Variants in SLC24A3 observed in about 807,000 individuals in gnomAD.
SLC24A3 encodes the protein sodium/potassium/calcium exchanger 3.
Under a neutral mutation model 75.8 loss-of-function variants are expected in SLC24A3, and 28 were observed. The ratio of observed to expected loss-of-function variants is 0.37; its 90% CI spans 0.27 to 0.51. SLC24A3 has a LOEUF of 0.51. SLC24A3 is among the 20% of genes least tolerant of loss of function. The pLI is 0.94. For missense variants in SLC24A3, 663 were observed against 847.8 expected, an observed-to-expected ratio of 0.78 and a Z score of 2.71; for synonymous variants, 372 against 334.1, an observed-to-expected ratio of 1.11 and a Z score of -1.24.
chr20:19,448,236 C>CGATTATTT (rs1452778485), intron 2 of SLC24A3, among the ~76,000 whole-genome samples: 1 of 152,142 alleles, frequency 6.6e-6, no homozygotes, highest in Non-Finnish European at 1.5e-5. Context: ...CCATGATCTG[C>CGATTATTT]GATTATTTTC....
At chr20:19,528,384 C>G (rs1004387263) in intron 3 of SLC24A3, among the ~76,000 whole-genome samples, 15 of 152,144 alleles carry the variant, frequency 9.9e-5, no homozygotes, top group African/African-American at 3.4e-4. Flanking sequence ...ATCTCTTTAC[C>G]TTTGGTGCCC....
intron 3 of SLC24A3, among the ~76,000 whole-genome samples, chr20:19,533,332 A>C (rs754517415): frequency 3.3e-5 from 5 of 152,220 alleles, no homozygotes; most frequent in Non-Finnish European, 7.3e-5. Context: ...TCCAAGAGGC[A>C]GAAAGCAGGG....
At chr20:19,256,555 G>A (rs1203297655) in intron 1 of SLC24A3, among the ~76,000 whole-genome samples, 1 of 152,022 alleles carries the variant, frequency 6.6e-6, no homozygotes, top group Admixed American at 6.6e-5. Flanking sequence ...GATCACTTGA[G>A]GCCAGGAGTT....
intron 2 of SLC24A3, among the ~76,000 whole-genome samples, chr20:19,386,853 G>T (rs558939337): frequency 1.3e-5 from 2 of 152,202 alleles, no homozygotes; most frequent in South Asian, 4.1e-4. Flanking sequence ...ATGCTCATCA[G>T]ATATATTGGC....
intron 2 of SLC24A3, among the ~76,000 whole-genome samples, chr20:19,382,010 C>G (rs1311749134): frequency 3.3e-5 from 5 of 152,192 alleles, no homozygotes; most frequent in Admixed American, 1.3e-4. Flanking sequence ...GAAATGTCTG[C>G]TCTGAATTCG....
intron 2 of SLC24A3, among the ~76,000 whole-genome samples, chr20:19,424,159 C>T (rs1029003870): frequency 6.6e-6 from 1 of 152,078 alleles, no homozygotes; most frequent in African/African-American, 2.4e-5. Context: ...TAAGCAGAAA[C>T]CAAATACCCA....
At chr20:19,497,374 G>A (rs1162952053) in intron 2 of SLC24A3, among the ~76,000 whole-genome samples, 2 of 152,212 alleles carry the variant, frequency 1.3e-5, no homozygotes, top group Non-Finnish European at 1.5e-5. Context: ...GTGAGGAGCA[G>A]AATCCCAGAC....
intron 3 of SLC24A3, among the ~76,000 whole-genome samples, chr20:19,577,784 G>A (rs2031161772): frequency 6.6e-6 from 1 of 152,006 alleles, no homozygotes; most frequent in South Asian, 2.1e-4. Flanking sequence ...ACTTCATATT[G>A]GATTTACACA....
At chr20:19,276,235 CA>C (rs1395885033) in intron 1 of SLC24A3, among the ~76,000 whole-genome samples, 1 of 151,546 alleles carries the variant, frequency 6.6e-6, no homozygotes, top group Non-Finnish European at 1.5e-5. Context: ...TTTGTGGGAC[CA>C]GCCCAGTCTC....
intron 2 of SLC24A3, among the ~76,000 whole-genome samples, chr20:19,342,272 G>C (rs1300590910): frequency 6.6e-6 from 1 of 152,224 alleles, no homozygotes; most frequent in African/African-American, 2.4e-5. Context: ...CAGTGGCAAA[G>C]ATGACTGGGC....
At chr20:19,325,777 C>T (rs6132191) in intron 2 of SLC24A3, among the ~76,000 whole-genome samples, 21,679 of 58,206 alleles carry the variant, frequency 0.37, 3,808 homozygotes, top group Middle Eastern at 0.5. Context: ...TATATATATA[C>T]ATATATATAT....
At chr20:19,216,252 T>A (rs538140440) in intron 1 of SLC24A3, among the ~76,000 whole-genome samples, 5 of 151,860 alleles carry the variant, frequency 3.3e-5, no homozygotes, top group African/African-American at 1.2e-4. Context: ...TTTTGAGTGG[T>A]TTAAAAGTGT....
At chr20:19,712,413 G>T (rs892283018) in intron 15 of SLC24A3, among the ~76,000 whole-genome samples, 1 of 152,010 alleles carries the variant, frequency 6.6e-6, no homozygotes. Context: ...CAAGCAGGAC[G>T]ACATCAGCAC....
At chr20:19,565,949 T>A (rs571826476) in intron 3 of SLC24A3, among the ~76,000 whole-genome samples, 1 of 152,296 alleles carries the variant, frequency 6.6e-6, no homozygotes, top group Non-Finnish European at 1.5e-5. Flanking sequence ...CAGGCCCAAC[T>A]TCTGTATGTT....
chr20:19,717,377 G>C, intron 15 of SLC24A3, 151 bp from the exon 16 acceptor site: 1 of 708,656 alleles, frequency 1.4e-6, no homozygotes, highest in Admixed American at 2.3e-5. Flanking sequence ...AAGCTGTGGA[G>C]CTGGCTGCTG....
chr20:19,296,837 T>A (rs112336370), intron 2 of SLC24A3, among the ~76,000 whole-genome samples: 2,937 of 152,258 alleles, frequency 0.019, 33 homozygotes, highest in African/African-American at 0.028. Context: ...ATCAATCACA[T>A]AATTAGAAGT....
chr20:19,464,474 G>T (rs965339599), intron 2 of SLC24A3, among the ~76,000 whole-genome samples: 2 of 152,254 alleles, frequency 1.3e-5, no homozygotes, highest in African/African-American at 4.8e-5. Flanking sequence ...ACAAAGCCAG[G>T]ACCGAAGAGA....
At chr20:19,616,608 T>C (rs1358760718) in intron 6 of SLC24A3, among the ~76,000 whole-genome samples, 2 of 152,136 alleles carry the variant, frequency 1.3e-5, no homozygotes, top group East Asian at 3.9e-4. Flanking sequence ...GCACTTGGAC[T>C]ATGAATGAAA....
intron 6 of SLC24A3, among the ~76,000 whole-genome samples, chr20:19,627,638 A>G (rs559549525): frequency 6.6e-6 from 1 of 152,354 alleles, no homozygotes; most frequent in South Asian, 2.1e-4. Context: ...CTGTAAGAAG[A>G]AAAGAAAAGA....
Sources: gnomAD v4.1 joint callset for allele counts (sites outside exome capture counted in the v4.1 genomes callset) on GRCh38, gnomAD v4.1.1 for gene constraint, MANE v1.5 for transcripts, NCBI Gene and HGNC (gene_info 2026-07-23, HGNC 2026-07-21) for gene names.